The following ANKRD65 variants were observed in gnomAD, a reference collection of about 807,000 sequenced individuals.
ANKRD65 encodes the protein ankyrin repeat domain-containing protein 65.
In ANKRD65, 26 loss-of-function variants were observed where a neutral mutation model predicts 17.2. The ratio of observed to expected loss-of-function variants is 1.51; its 90% CI spans 1.11 to 2.09. The LOEUF is 2.09. ANKRD65 is among the 30% of genes most tolerant of loss of function. The probability of loss-of-function intolerance (pLI) is 0.00; values close to 1 mark genes in which losing one functional copy is unlikely to be tolerated. For synonymous variants in ANKRD65, 311 were observed against 272.2 expected (o/e 1.14, Z -1.40); for missense variants, 621 against 542.2 (o/e 1.15, Z -1.44).
intron 3 of ANKRD65, 102 bp from the exon 4 acceptor site, chr1:1,419,651 G>T: frequency 1.8e-6 from 2 of 1,138,288 alleles, no homozygotes; most frequent in Non-Finnish European, 1.2e-6. Flanking sequence ...CCCCGCAGCG[G>T]CCTGTCTCTC....
intron 2 of ANKRD65, 95 bp downstream of exon 2, chr1:1,420,702 A>C (rs1329801313): frequency 1.6e-5 from 14 of 895,346 alleles, no homozygotes; most frequent in East Asian, 1.4e-4. Context: ...GTCCTACCCC[A>C]TCCAGAGAAG....
Position 1,420,461 on chromosome 1 carries a change from G to A in ANKRD65, c.341C>T (p.Ala114Val). 1.5e-6 allele frequency: 2 copies of A among 1,302,910 alleles called. No homozygotes were observed. Among genetic ancestry groups the A allele is most frequent in the Admixed American group, 4.2e-5 (1 of 23,724 alleles). The allele number at this position is 1,302,910 out of a possible 1,614,324, so 80.7% of individuals were successfully genotyped here. A position where few individuals can be genotyped will look rare whatever the true frequency, so the allele number is the denominator to read the frequency against. Residue 114 changes from alanine to valine, a missense_variant, in exon 3 of 4, where the codon GCC (alanine) becomes GTC (valine). Physicochemically the swap from Ala to Val is moderately conservative, Grantham distance 64. Coordinates refer to ENST00000537107, the MANE Select transcript of ANKRD65 (RefSeq NM_001145210.3). ...DRAGRTALHE[A>V]AWHGHSRVAE... ...CACCCGCGAGTGTCCGTGCCAGGCGGCCTCGTGCAGCGCGGTGCGCCCCGC... is the reference window on the plus strand; with the variant it reads ...CACCCGCGAGTGTCCGTGCCAGGCGACCTCGTGCAGCGCGGTGCGCCCCGC...
At chr1:1,420,620 G>C (rs1171108570) in intron 2 of ANKRD65, 28 bp from the exon 3 acceptor site, 18 of 1,418,158 alleles carry the variant, frequency 1.3e-5, no homozygotes, top group Admixed American at 5.8e-5. Context: ...GCGTCGGCGC[G>C]GGGGTGGACC....
Sources: allele counts gnomAD v4.1 joint callset, GRCh38; gene constraint gnomAD v4.1.1; transcripts MANE v1.5; gene names NCBI Gene and HGNC (gene_info 2026-07-23, HGNC 2026-07-21).